The following DPF3 variants were observed in gnomAD, a reference collection of about 807,000 sequenced individuals.
DPF3 encodes the protein zinc finger protein DPF3.
DPF3 carries 18 observed loss-of-function variants against 56.8 expected under a neutral mutation model. The observed-to-expected ratio is 0.32, with a 90% confidence interval of 0.22 to 0.47. The LOEUF is 0.47. Among genes scored for constraint, DPF3 ranks in the 20% least tolerant of loss-of-function variants. DPF3 has a pLI of 1.00. For synonymous variants in DPF3, 188 were observed against 180.2 expected (o/e 1.04, Z -0.35); for missense variants, 403 against 488.8 (o/e 0.82, Z 1.65).
chr14:72,790,800 T>C (rs1892397101), intron 1 of DPF3, among the ~76,000 whole-genome samples: 1 of 152,162 alleles, frequency 6.6e-6, no homozygotes, highest in African/African-American at 2.4e-5. Context: ...CCAGCCTTAC[T>C]TCTCCCCCCT....
rs183482865 is a variant in DPF3 at position 72,754,719 on chromosome 14, T to C, written c.194-1348A>G. Among the ~76,000 whole-genome samples the C allele has an allele frequency of 2.0e-3, 298 of 152,338 alleles. 3 individuals are homozygous for C. Among genetic ancestry groups the C allele is most frequent in the African/African-American group, 7.0e-3 (292 of 41,582 alleles). ...TTTTCACCTTTGCAGAGAAAATCTA[T>C]GTAACTTTCATTGCTATATACTCAT... On this transcript the variant is annotated intron_variant, in intron 2 of 10. Coordinates refer to ENST00000556509, the MANE Select transcript of DPF3 (RefSeq NM_001280542.3).
At position 72,707,133 on chromosome 14, in the gene DPF3, A is replaced by G. The variant is rs533676317; in HGVS notation, c.604+7290T>C. Among the ~76,000 whole-genome samples the G allele has an allele frequency of 5.9e-5, 9 of 152,190 alleles. No individual in the cohort carries two copies. In the East Asian group the frequency reaches 1.5e-3, roughly 26 times the overall value. On this transcript the variant is annotated intron_variant, in intron 6 of 10. Coordinates refer to ENST00000556509, the MANE Select transcript of DPF3 (RefSeq NM_001280542.3). ...AGAATGATGGTTTCCAATTTCATCC[A>G]TGTCCCTACAAAGGACATGAACTCA...
chr14:72,695,931 T>A (rs542209255), intron 6 of DPF3, among the ~76,000 whole-genome samples: 29 of 152,236 alleles, frequency 1.9e-4, no homozygotes, highest in African/African-American at 6.3e-4. Flanking sequence ...AAAATAAAAT[T>A]AAAATAAAAT....
chr14:72,662,702 A>G, intron 8 of DPF3: 1 of 988,216 alleles, frequency 1.0e-6, no homozygotes, highest in Non-Finnish European at 1.2e-6. Flanking sequence ...ACACACGCAC[A>G]GGAGGGGGCT....
intron 8 of DPF3, among the ~76,000 whole-genome samples, chr14:72,643,720 T>C (rs1042258939): frequency 6.6e-6 from 1 of 152,202 alleles, no homozygotes; most frequent in Non-Finnish European, 1.5e-5. Context: ...CAGCTTTCCC[T>C]GTGAAGCCTC....
intron 1 of DPF3, among the ~76,000 whole-genome samples, chr14:72,795,295 A>AATATATATATAT (rs71109748): frequency 3.9e-5 from 4 of 102,940 alleles, no homozygotes; most frequent in Non-Finnish European, 5.8e-5. Flanking sequence ...AAAAAAAAAA[A>AATATATATATAT]ATATATATAT....
At chr14:72,644,614 T>G (rs1289681121) in intron 8 of DPF3, among the ~76,000 whole-genome samples, 3 of 152,234 alleles carry the variant, frequency 2.0e-5, no homozygotes, top group African/African-American at 7.2e-5. Context: ...TATAGTCTAT[T>G]TGGCCTATTC....
intron 1 of DPF3, among the ~76,000 whole-genome samples, chr14:72,832,629 CT>C (rs1884108384): frequency 6.6e-6 from 1 of 152,190 alleles, no homozygotes; most frequent in African/African-American, 2.4e-5. Context: ...TTCCAGGGGA[CT>C]TTATCACCTT....
chr14:72,764,331 G>T (rs557425149), intron 2 of DPF3, among the ~76,000 whole-genome samples: 6 of 152,180 alleles, frequency 3.9e-5, no homozygotes, highest in Non-Finnish European at 7.4e-5. Context: ...ACATGTGGGG[G>T]TGCTGGGAGG....
Position 72,771,897 on chromosome 14 carries a change from C to A in DPF3, c.33-4G>T. ...CTTGTAGAACTGGTCCCCGAGCCTG[C>A]CAGAGTCAGAGAGTGAAGGGGTGAG... is the stretch of plus-strand genomic sequence containing the variant. On this transcript the variant is annotated splice_polypyrimidine_tract_variant and splice_region_variant and intron_variant, in intron 1 of 10. Coordinates refer to ENST00000556509, the MANE Select transcript of DPF3 (RefSeq NM_001280542.3). 1 of 1,573,606 alleles carries A rather than the reference C, an allele frequency of 6.4e-7. No individual in the cohort carries two copies. Among genetic ancestry groups the A allele is most frequent in the Non-Finnish European group, 8.6e-7 (1 of 1,160,694 alleles).
chr14:72,769,977 G>A (rs1048700383), intron 2 of DPF3, among the ~76,000 whole-genome samples: 8 of 152,018 alleles, frequency 5.3e-5, no homozygotes, highest in African/African-American at 1.5e-4. Flanking sequence ...TTTTAATGAG[G>A]GAATGTTTTT....
chr14:72,889,864 A>C (rs1886683325), intron 1 of DPF3, among the ~76,000 whole-genome samples: 1 of 152,220 alleles, frequency 6.6e-6, no homozygotes, highest in Non-Finnish European at 1.5e-5. Flanking sequence ...CTCCTTACAA[A>C]AGAAAGTTTC....
At chr14:72,857,276 G>T (rs998503218) in intron 1 of DPF3, among the ~76,000 whole-genome samples, 2 of 152,100 alleles carry the variant, frequency 1.3e-5, no homozygotes, top group Non-Finnish European at 2.9e-5. Context: ...TGCTGACTGA[G>T]GAAAAATGAT....
At chr14:72,862,756 C>T (rs955381266) in intron 1 of DPF3, among the ~76,000 whole-genome samples, 1 of 152,260 alleles carries the variant, frequency 6.6e-6, no homozygotes, top group Middle Eastern at 3.4e-3. Flanking sequence ...TCTCAGGGAG[C>T]TTTTCCCCCA....
intron 7 of DPF3, among the ~76,000 whole-genome samples, chr14:72,688,869 A>T (rs1375992050): frequency 6.6e-6 from 1 of 152,196 alleles, no homozygotes; most frequent in East Asian, 1.9e-4. Flanking sequence ...TCAGAAAAGC[A>T]CTATTTCCCA....
At position 72,838,906 on chromosome 14, in the gene DPF3, T is replaced by TATATATATATATATA. The variant is rs375598670; in HGVS notation, c.32+55150_32+55151insTATATATATATATAT. Among the ~76,000 whole-genome samples, 267 of 87,498 alleles carry TATATATATATATATA rather than the reference T, an allele frequency of 3.1e-3. 4 individuals are homozygous for TATATATATATATATA. Among genetic ancestry groups the TATATATATATATATA allele is most frequent in the Middle Eastern group, 0.016 (2 of 122 alleles). The allele number at this position is 87,498 out of a possible 152,430, so 57.4% of individuals were successfully genotyped here. A position where few individuals can be genotyped will look rare whatever the true frequency, so the allele number is the denominator to read the frequency against. On this transcript the variant is annotated intron_variant, in intron 1 of 10. Coordinates refer to ENST00000556509, the MANE Select transcript of DPF3 (RefSeq NM_001280542.3). The stretch of plus-strand genomic sequence containing the variant: ...TCTATCATATATATTATCATATATA[T>TATATATATATATATA]TCTTTTTTTTTTTTTTTTTTTTTTT...
chr14:72,841,834 G>A (rs1415509166), intron 1 of DPF3, among the ~76,000 whole-genome samples: 1 of 152,124 alleles, frequency 6.6e-6, no homozygotes, highest in Non-Finnish European at 1.5e-5. Context: ...TATAATCCCA[G>A]CACTTTGGGA....
rs904262206 is a variant in DPF3, at chr14:72,614,460, C to G, written c.*4837G>C. On this transcript the variant is annotated 3_prime_UTR_variant, in exon 11 of 11. Coordinates refer to ENST00000556509, the MANE Select transcript of DPF3 (RefSeq NM_001280542.3). ...AGGGGAGAGGAGCAGGATGGCCAGT[C>G]CCCCTCTTCCCTTCCCAGCTACTGG... Among the ~76,000 whole-genome samples the G allele has an allele frequency of 6.6e-6, 1 of 152,140 alleles. No homozygotes were observed. Among genetic ancestry groups the G allele is most frequent in the Non-Finnish European group, 1.5e-5 (1 of 68,024 alleles).
chr14:72,641,269 T>G (rs1345814338), intron 8 of DPF3, among the ~76,000 whole-genome samples: 1 of 152,194 alleles, frequency 6.6e-6, no homozygotes, highest in Non-Finnish European at 1.5e-5. Flanking sequence ...AACATGCTTC[T>G]TCTGCCGCAG....
Sources: allele counts gnomAD v4.1 joint callset (sites outside exome capture counted in the v4.1 genomes callset), GRCh38; gene constraint gnomAD v4.1.1; transcripts MANE v1.5; gene names NCBI Gene and HGNC (gene_info 2026-07-23, HGNC 2026-07-21).